LHPP: variants seen among roughly 807,000 people sequenced by gnomAD.
The protein encoded by LHPP is phospholysine phosphohistidine inorganic pyrophosphate phosphatase.
A neutral mutation model predicts 30.3 loss-of-function variants in LHPP; 24 were observed. The ratio of observed to expected loss-of-function variants is 0.79; its 90% CI spans 0.57 to 1.11. The LOEUF (loss-of-function observed/expected upper bound fraction) is 1.11, where lower values mean the gene tolerates loss of function less well. LHPP is among the 50% of genes most tolerant of loss of function. The probability of loss-of-function intolerance (pLI) is 0.00; values close to 1 mark genes in which losing one functional copy is unlikely to be tolerated. For missense variants in LHPP, 356 were observed against 367.2 expected, an observed-to-expected ratio of 0.97 and a Z score of 0.25; for synonymous variants, 150 against 157.1, an observed-to-expected ratio of 0.95 and a Z score of 0.34.
At chr10:124,567,595 CG>C (rs1284510639) in intron 6 of LHPP, among the ~76,000 whole-genome samples, 5 of 152,242 alleles carry the variant, frequency 3.3e-5, no homozygotes, top group Admixed American at 1.3e-4. Flanking sequence ...CACAGGGCAA[CG>C]CTCTGGCTTG....
chr10:124,496,442 C>T lies in LHPP; in HGVS notation c.468-519C>T, dbSNP rs564166843. Among the ~76,000 whole-genome samples, 87 of 152,298 alleles carry T rather than the reference C, an allele frequency of 5.7e-4. 1 individual carries two copies. The highest frequency in any genetic ancestry group is 1.9e-3 in the African/African-American group (78 of 41,560). Reference sequence around the variant, plus strand: ...GTTGTCTTCTCATAAAAGCATCTGGCGCCCATGAAACCTGGCACCTCGCTT... The same window carrying T: ...GTTGTCTTCTCATAAAAGCATCTGGTGCCCATGAAACCTGGCACCTCGCTT... On this transcript the variant is annotated intron_variant, in intron 3 of 6. Transcript: ENST00000368842. This position sits in a 1 kb window ranked among gnomAD's most constrained non-coding sequence, Gnocchi z 4.3.
intron 1 of LHPP, among the ~76,000 whole-genome samples, chr10:124,480,613 A>G (rs1014451833): frequency 3.3e-5 from 5 of 152,218 alleles, no homozygotes; most frequent in African/African-American, 7.2e-5. Flanking sequence ...CCAGGTGCCA[A>G]TCAATGGAGA....
At chr10:124,608,097 C>T (rs1949119321) in intron 6 of LHPP, among the ~76,000 whole-genome samples, 1 of 152,224 alleles carries the variant, frequency 6.6e-6, no homozygotes, top group Non-Finnish European at 1.5e-5. Context: ...CCCGCAGGCA[C>T]CCTCCCTAGT....
rs6597832 is a variant in LHPP at position 124,541,111 on chromosome 10, G to T, written c.716+23840G>T. ...GGCCCTGGGCCCTGGGATGGCCGGA[G>T]GAGAGCCTGCCATACCCACGCAGTG... is the stretch of plus-strand genomic sequence containing the variant. On this transcript the variant is annotated intron_variant, in intron 6 of 6. Transcript: ENST00000368842. The surrounding 1 kb of genome is among the most constrained non-coding windows in gnomAD (Gnocchi z 4.2). 0.99 allele frequency among the ~76,000 whole-genome samples: 150,492 copies of T among 152,284 alleles called. 74,380 individuals are homozygous for T. The highest frequency in any genetic ancestry group is 1 in the East Asian group (5,184 of 5,184).
intron 3 of LHPP, among the ~76,000 whole-genome samples, chr10:124,493,102 A>G (rs894536656): frequency 7.9e-6 from 1 of 125,818 alleles, no homozygotes; most frequent in Admixed American, 8.9e-5. Context: ...TAGTCAGAAC[A>G]GGTATATTGT....
At chr10:124,598,696 C>T (rs919214230) in intron 6 of LHPP, among the ~76,000 whole-genome samples, 10 of 151,882 alleles carry the variant, frequency 6.6e-5, no homozygotes, top group African/African-American at 2.4e-4. Flanking sequence ...CAGTTCCTGC[C>T]ATCCACGTGT....
intron 3 of LHPP, among the ~76,000 whole-genome samples, chr10:124,488,890 A>G (rs1275305782): frequency 2.0e-5 from 3 of 152,146 alleles, no homozygotes; most frequent in Non-Finnish European, 4.4e-5. Context: ...TGATTGTCCC[A>G]AGTTTAGAGC....
intron 2 of LHPP, 122 bp from the exon 3 acceptor site, chr10:124,488,300 T>A: frequency 1.2e-6 from 1 of 857,896 alleles, no homozygotes. Context: ...GCTGTGATGA[T>A]CAGAAAGAAA....
chr10:124,588,550 C>G (rs933728722), intron 6 of LHPP, among the ~76,000 whole-genome samples: 1 of 152,230 alleles, frequency 6.6e-6, no homozygotes, highest in African/African-American at 2.4e-5. Context: ...GCTGGGATTA[C>G]AGGCGTGAGC....
At chr10:124,516,084 CA>C (rs1332366411) in intron 5 of LHPP, among the ~76,000 whole-genome samples, 3 of 152,246 alleles carry the variant, frequency 2.0e-5, no homozygotes. Flanking sequence ...TGGTATTAGT[CA>C]GCCCAGTCTG....
In LHPP at chr10:124,517,390, G is replaced by C; in HGVS notation, c.716+119G>C. 1 of 639,416 alleles carries C rather than the reference G, an allele frequency of 1.6e-6. No individual in the cohort carries two copies. The highest frequency in any genetic ancestry group is 2.6e-6 in the Non-Finnish European group (1 of 388,340). 39.6% of individuals were successfully genotyped at this position (639,416 alleles called of 1,614,324 possible). On this transcript the variant is annotated intron_variant, in intron 6 of 6. Transcript: ENST00000368842. This position sits in a 1 kb window ranked among gnomAD's most constrained non-coding sequence, Gnocchi z 4.1. The stretch of plus-strand genomic sequence containing the variant: ...TTCCAAATCAAAGAGCAGTATGTGG[G>C]CATTCACTATCTTGTATGTAATGGA...
intron 6 of LHPP, among the ~76,000 whole-genome samples, chr10:124,587,234 C>T (rs573860913): frequency 4.3e-4 from 66 of 151,844 alleles, no homozygotes; most frequent in African/African-American, 1.4e-3. Context: ...GGGGTTTGGC[C>T]ATGTTGGCCA....
Position 124,596,121 on chromosome 10 carries a change from A to C in LHPP, c.717-17143A>C, listed in dbSNP as rs1480943552. Among the ~76,000 whole-genome samples the C allele has an allele frequency of 6.6e-6, 1 of 152,168 alleles. No homozygotes were observed. Among genetic ancestry groups the C allele is most frequent in the Non-Finnish European group, 1.5e-5 (1 of 68,034 alleles). ...CGGCATCCGTGGGTGATGTTTCATC[A>C]CGAGGCTGGACCACGATGTGTTTAT... is the stretch of plus-strand genomic sequence containing the variant. On this transcript the variant is annotated intron_variant, in intron 6 of 6. Transcript: ENST00000368842. This position sits in a 1 kb window ranked among gnomAD's most constrained non-coding sequence, Gnocchi z 4.6.
Position 124,574,474 on chromosome 10 carries a change from G to A in LHPP, c.717-38790G>A, listed in dbSNP as rs552994777. On this transcript the variant is annotated intron_variant, in intron 6 of 6. Transcript: ENST00000368842. ...GGAGCTCAGTCTGGCTTTGATCTGC[G>A]GGAGGTGTTGTGTGCAGAAGCTGTG... Among the ~76,000 whole-genome samples the A allele has an allele frequency of 1.9e-3, 284 of 152,342 alleles. 4 individuals are homozygous for A. Among genetic ancestry groups the A allele is most frequent in the Admixed American group, 0.016 (243 of 15,306 alleles).
intron 6 of LHPP, among the ~76,000 whole-genome samples, chr10:124,518,325 C>A (rs1954514347): frequency 6.6e-6 from 1 of 152,232 alleles, no homozygotes; most frequent in South Asian, 2.1e-4. Context: ...GAGGGAGACC[C>A]CACTCACAAG....
At chr10:124,497,672 C>T (rs1485073764) in intron 4 of LHPP, among the ~76,000 whole-genome samples, 4 of 152,182 alleles carry the variant, frequency 2.6e-5, no homozygotes, top group African/African-American at 9.7e-5. Context: ...TGATGAGCTG[C>T]GAGTGGGCAG....
chr10:124,555,533 C>T (rs551739087), intron 6 of LHPP, among the ~76,000 whole-genome samples: 10 of 151,844 alleles, frequency 6.6e-5, no homozygotes, highest in African/African-American at 1.9e-4. Context: ...CTCCCACAGC[C>T]TGGGAAGGGT....
intron 6 of LHPP, among the ~76,000 whole-genome samples, chr10:124,556,204 G>A (rs567484777): frequency 2.6e-4 from 39 of 152,350 alleles, no homozygotes; most frequent in African/African-American, 8.7e-4. Context: ...GGTGACCTCT[G>A]ATGCCGCTGG....
Position 124,496,976 on chromosome 10 carries a change from G to C in LHPP, c.483G>C (p.Glu161Asp), listed in dbSNP as rs777680049. 3 of 1,614,108 alleles carry C rather than the reference G, an allele frequency of 1.9e-6. No individual in the cohort carries two copies. The highest frequency in any genetic ancestry group is 2.5e-6 in the Non-Finnish European group (3 of 1,179,960). The change falls in exon 4 of 7, where the codon GAG (glutamate) becomes GAC (aspartate). Residue 161 changes from glutamate (E) to aspartate (D), a missense_variant. Coordinates refer to ENST00000368842, the MANE Select transcript of LHPP (RefSeq NM_022126.4). This position sits in a 1 kb window ranked among gnomAD's most constrained non-coding sequence, Gnocchi z 4.3. ...TCTCTCCTAGGCGTTACTACAAGGA[G>C]ACCTCTGGCCTGATGCTGGACGTTG... ...ISLGKGRYYK[E>D]TSGLMLDVGP...
Sources: gnomAD v4.1 joint callset for allele counts (sites outside exome capture counted in the v4.1 genomes callset) on GRCh38, gnomAD v4.1.1 for gene constraint, Gnocchi (gnomAD v3.1) non-coding constraint, MANE v1.5 for transcripts, NCBI Gene and HGNC (gene_info 2026-07-23, HGNC 2026-07-21) for gene names.